Variants in SIL1 observed in about 807,000 individuals in gnomAD.
The protein encoded by SIL1 is nucleotide exchange factor SIL1.
In SIL1, 40 loss-of-function variants were observed where a neutral mutation model predicts 49.1. That is an observed-to-expected ratio of 0.81 (90% CI 0.63 to 1.06). SIL1 has a LOEUF of 1.06. Among genes scored for constraint, SIL1 ranks in the 50% least tolerant of loss-of-function variants. The pLI, the probability that SIL1 is intolerant of heterozygous loss-of-function variation, is 0.00. For missense variants in SIL1, 500 were observed against 572.6 expected (o/e 0.87, Z 1.29); for synonymous variants, 253 against 250.8 (o/e 1.01, Z -0.08).
chr5:139,048,574 C>T (rs1277441421), intron 4 of SIL1, among the ~76,000 whole-genome samples: 1 of 151,806 alleles, frequency 6.6e-6, no homozygotes, highest in Non-Finnish European at 1.5e-5. Flanking sequence ...CACACCCTGT[C>T]GCTGGTGTGT....
At chr5:139,030,190 C>T (rs1320596342) in intron 5 of SIL1, among the ~76,000 whole-genome samples, 3 of 151,870 alleles carry the variant, frequency 2.0e-5, no homozygotes, top group Non-Finnish European at 1.5e-5. Context: ...TTTGGCCAGG[C>T]GCAGTGGCTC....
chr5:139,080,075 T>C (rs1194140487), intron 3 of SIL1, among the ~76,000 whole-genome samples: 1 of 151,900 alleles, frequency 6.6e-6, no homozygotes, highest in East Asian at 1.9e-4. Flanking sequence ...GGGTGGGGGG[T>C]GGCACATATT....
chr5:139,069,866 A>G (rs1235787076), intron 3 of SIL1, among the ~76,000 whole-genome samples: 1 of 152,208 alleles, frequency 6.6e-6, no homozygotes, highest in Non-Finnish European at 1.5e-5. Context: ...AAGAAAGAAA[A>G]TGTGAGCCAA....
chr5:139,129,969 T>C (rs1053767753), intron 1 of SIL1, among the ~76,000 whole-genome samples: 2 of 152,138 alleles, frequency 1.3e-5, no homozygotes, highest in Non-Finnish European at 2.9e-5. Context: ...GTAAATCACA[T>C]CTCTGTTATG....
chr5:139,093,353 C>G (rs1770385040), intron 3 of SIL1, among the ~76,000 whole-genome samples: 1 of 152,184 alleles, frequency 6.6e-6, no homozygotes, highest in Non-Finnish European at 1.5e-5. Context: ...ATAAAATGTA[C>G]TAAGACAGAG....
At chr5:139,002,266 G>A (rs567315392) in intron 7 of SIL1, among the ~76,000 whole-genome samples, 7 of 151,836 alleles carry the variant, frequency 4.6e-5, no homozygotes, top group South Asian at 4.2e-4. Context: ...GGTTACCTCC[G>A]GGGGTGAACA....
At chr5:139,075,857 A>G (rs1769937709) in intron 3 of SIL1, among the ~76,000 whole-genome samples, 1 of 152,146 alleles carries the variant, frequency 6.6e-6, no homozygotes. Context: ...AGGCATCTGG[A>G]CTTCACAATC....
intron 1 of SIL1, among the ~76,000 whole-genome samples, chr5:139,174,148 TA>T (rs1561890762): frequency 6.6e-6 from 1 of 151,876 alleles, no homozygotes; most frequent in African/African-American, 2.4e-5. Context: ...TCAACAAACC[TA>T]AAAGGTGGTT....
intron 7 of SIL1, among the ~76,000 whole-genome samples, chr5:138,958,895 C>T (rs568282065): frequency 6.6e-6 from 1 of 152,172 alleles, no homozygotes; most frequent in South Asian, 2.1e-4. Context: ...AGAGGTTTTC[C>T]TTCTTTCCTA....
chr5:139,188,010 T>C (rs1037370766), intron 1 of SIL1: 3 of 152,976 alleles, frequency 2.0e-5, no homozygotes, highest in African/African-American at 7.2e-5. Flanking sequence ...CCTTCCGCCA[T>C]GATGGTAAGT....
At position 139,154,840 on chromosome 5, in the gene SIL1, T is replaced by C. The variant is rs59521684; in HGVS notation, c.-10-26987A>G. Reference sequence around the variant, plus strand: ...CTGTTAGTGTAGATTTAGGGGAAATTTTTCTCAAGGAACCAGAAATAAATG... The same window carrying C: ...CTGTTAGTGTAGATTTAGGGGAAATCTTTCTCAAGGAACCAGAAATAAATG... On this transcript the variant is annotated intron_variant, in intron 1 of 9. Transcript: ENST00000394817. Among the ~76,000 whole-genome samples the C allele has an allele frequency of 9.0e-4, 134 of 149,360 alleles. 1 individual carries two copies. Among genetic ancestry groups the C allele is most frequent in the African/African-American group, 3.2e-3 (130 of 40,446 alleles).
chr5:139,029,283 T>C (rs1768733171), intron 5 of SIL1, among the ~76,000 whole-genome samples: 1 of 152,130 alleles, frequency 6.6e-6, no homozygotes, highest in Admixed American at 6.5e-5. Flanking sequence ...GTTGATGAGC[T>C]CTAGATGTGC....
intron 3 of SIL1, among the ~76,000 whole-genome samples, chr5:139,063,456 C>T (rs944527963): frequency 2.6e-5 from 4 of 152,212 alleles, no homozygotes; most frequent in African/African-American, 9.6e-5. Context: ...TGATCTCTAC[C>T]CTCAATGTCT....
At chr5:139,157,176 G>A (rs1014313655) in intron 1 of SIL1, among the ~76,000 whole-genome samples, 1 of 152,176 alleles carries the variant, frequency 6.6e-6, no homozygotes, top group Non-Finnish European at 1.5e-5. Context: ...CTAATTATCA[G>A]GTGTGGAGAG....
At position 139,143,334 on chromosome 5, in the gene SIL1, C is replaced by T. The variant is rs1404297409; in HGVS notation, c.-10-15481G>A. Among the ~76,000 whole-genome samples, 505 of 100,546 alleles carry T rather than the reference C, an allele frequency of 5.0e-3. 6 individuals are homozygous for T. The highest frequency in any genetic ancestry group is 0.011 in the African/African-American group (286 of 25,280). 66.0% of individuals were successfully genotyped at this position (100,546 alleles called of 152,430 possible). On this transcript the variant is annotated intron_variant, in intron 1 of 9. Transcript: ENST00000394817. ...ACACACACACACACACACACACACA[C>T]ACACACACACATATATATATATATA...
chr5:139,110,212 G>T (rs1223511672), intron 3 of SIL1, among the ~76,000 whole-genome samples: 1 of 151,900 alleles, frequency 6.6e-6, no homozygotes, highest in East Asian at 1.9e-4. Context: ...GACCAAACTG[G>T]GAGATGATGG....
At chr5:139,183,255 C>G (rs1752023828) in intron 1 of SIL1, among the ~76,000 whole-genome samples, 1 of 152,198 alleles carries the variant, frequency 6.6e-6, no homozygotes, top group Non-Finnish European at 1.5e-5. Flanking sequence ...AGAAGCCTTC[C>G]CTACTCCATG....
intron 7 of SIL1, among the ~76,000 whole-genome samples, chr5:138,963,714 G>A (rs1767073394): frequency 6.6e-6 from 1 of 152,240 alleles, no homozygotes; most frequent in Admixed American, 6.5e-5. Context: ...TGCATCATTG[G>A]TATTTGGAAA....
intron 5 of SIL1, among the ~76,000 whole-genome samples, chr5:139,028,260 T>C (rs180709107): frequency 4.7e-5 from 7 of 148,386 alleles, no homozygotes; most frequent in Non-Finnish European, 8.9e-5. Context: ...AGCACTTTGG[T>C]AGGCCGAGGC....
Sources: allele counts gnomAD v4.1 joint callset (sites outside exome capture counted in the v4.1 genomes callset), GRCh38; gene constraint gnomAD v4.1.1; transcripts MANE v1.5; gene names NCBI Gene and HGNC (gene_info 2026-07-23, HGNC 2026-07-21).